Variants in TTC7B observed in about 807,000 individuals in gnomAD.
The protein encoded by TTC7B is tetratricopeptide repeat protein 7B.
A neutral mutation model predicts 106.8 loss-of-function variants in TTC7B; 28 were observed. The observed-to-expected ratio is 0.26, with a 90% confidence interval of 0.19 to 0.36. The LOEUF is 0.36. TTC7B is among the 10% of genes least tolerant of loss of function. The probability of loss-of-function intolerance (pLI) is 1.00; values close to 1 mark genes in which losing one functional copy is unlikely to be tolerated. For synonymous variants in TTC7B, 405 were observed against 430.6 expected (o/e 0.94, Z 0.74); for missense variants, 862 against 1,076.4 (o/e 0.80, Z 2.79).
chr14:90,580,311 C>T (rs1566781262), intron 18 of TTC7B, among the ~76,000 whole-genome samples: 1 of 152,210 alleles, frequency 6.6e-6, no homozygotes, highest in East Asian at 1.9e-4. Flanking sequence ...TCTCAGTTCT[C>T]ATTTTATCTA....
chr14:90,772,442 TG>T (rs1240434334), intron 3 of TTC7B, among the ~76,000 whole-genome samples: 2 of 152,156 alleles, frequency 1.3e-5, no homozygotes, highest in Admixed American at 6.6e-5. Context: ...TCATGGAAAG[TG>T]TTTACGATCT....
chr14:90,780,561 G>A (rs1381600988), intron 3 of TTC7B, among the ~76,000 whole-genome samples, 177 bp downstream of exon 3: 1 of 152,158 alleles, frequency 6.6e-6, no homozygotes. Context: ...GGCTTGGAGG[G>A]ACAAATCCCT....
chr14:90,588,602 C>G (rs1891817451), intron 18 of TTC7B, among the ~76,000 whole-genome samples: 2 of 152,138 alleles, frequency 1.3e-5, no homozygotes, highest in African/African-American at 4.8e-5. Context: ...GTGCCACATC[C>G]CATGCTCTAA....
chr14:90,537,648 C>T lies in TTC7B; in HGVS notation c.*3720G>A, dbSNP rs991766763. 3.9e-5 allele frequency: 6 copies of T among 152,464 alleles called. No individual in the cohort carries two copies. The highest frequency in any genetic ancestry group is 3.3e-4 in the Admixed American group (5 of 15,292). 9.4% of individuals were successfully genotyped at this position (152,464 alleles called of 1,614,324 possible). Reference sequence around the variant, plus strand: ...CCTCTGGGCCTTTGCACCTGCTGTTCCTGCTTCCTGAGATGTCCTCCTCCC... The same window carrying T: ...CCTCTGGGCCTTTGCACCTGCTGTTTCTGCTTCCTGAGATGTCCTCCTCCC... On this transcript the variant is annotated 3_prime_UTR_variant, in exon 20 of 20. Coordinates refer to ENST00000328459, the MANE Select transcript of TTC7B (RefSeq NM_001010854.2).
Position 90,578,645 on chromosome 14 carries a change from G to A in TTC7B, c.2108-337C>T, listed in dbSNP as rs531750944. Among the ~76,000 whole-genome samples the A allele has an allele frequency of 1.6e-3, 246 of 152,040 alleles. No homozygotes were observed. The highest frequency in any genetic ancestry group is 3.4e-3 in the Middle Eastern group (1 of 294). ...TCAGTGTCTGGACAGAGGCTGGCCC[G>A]GTCCAACCCTTGGCTCTGACCCCCA... On this transcript the variant is annotated intron_variant, in intron 18 of 19. Transcript: ENST00000328459. This position sits in a 1 kb window ranked among gnomAD's most constrained non-coding sequence, Gnocchi z 4.7.
intron 9 of TTC7B, among the ~76,000 whole-genome samples, chr14:90,668,491 A>G (rs191910836): frequency 6.6e-6 from 1 of 152,342 alleles, no homozygotes; most frequent in Admixed American, 6.5e-5. Context: ...ATCATCTGCC[A>G]GAGTTATTAT....
chr14:90,800,960 A>C (rs2140056028), intron 1 of TTC7B, among the ~76,000 whole-genome samples: 1 of 152,252 alleles, frequency 6.6e-6, no homozygotes, highest in Admixed American at 6.5e-5. Context: ...CTGAGGCAGG[A>C]GGATTGCTTG....
At chr14:90,628,068 CGCATGGTGTTAGG>C (rs1383493182) in intron 15 of TTC7B, among the ~76,000 whole-genome samples, 1 of 152,180 alleles carries the variant, frequency 6.6e-6, no homozygotes, top group East Asian at 1.9e-4. Context: ...GCTACCTGAG[CGCATGGTGTTAGG>C]GCTGGGGGCC....
At chr14:90,595,612 T>C (rs1892170545) in intron 17 of TTC7B, among the ~76,000 whole-genome samples, 1 of 152,304 alleles carries the variant, frequency 6.6e-6, no homozygotes, top group South Asian at 2.1e-4. Context: ...GTTAAATAAA[T>C]GAGTAATCTA....
chr14:90,613,665 C>T (rs1360200704), intron 16 of TTC7B, among the ~76,000 whole-genome samples: 1 of 152,222 alleles, frequency 6.6e-6, no homozygotes, highest in Non-Finnish European at 1.5e-5. Flanking sequence ...CTTCTGTGAA[C>T]CACCCATTTC....
intron 5 of TTC7B, among the ~76,000 whole-genome samples, chr14:90,701,603 G>A (rs115494957): frequency 1.3e-5 from 2 of 151,894 alleles, no homozygotes; most frequent in Non-Finnish European, 2.9e-5. Context: ...GAAACAGGAA[G>A]TGTAGAAAGC....
chr14:90,551,190 T>C (rs1006780423), intron 19 of TTC7B, among the ~76,000 whole-genome samples: 2 of 152,200 alleles, frequency 1.3e-5, no homozygotes, highest in African/African-American at 4.8e-5. Flanking sequence ...TTGACCCTGC[T>C]GGACACAGAG....
At chr14:90,811,783 G>A (rs2030913073) in intron 1 of TTC7B, among the ~76,000 whole-genome samples, 1 of 152,220 alleles carries the variant, frequency 6.6e-6, no homozygotes, top group Non-Finnish European at 1.5e-5. Context: ...ACCATTTGGG[G>A]CCTAATCTTT....
At chr14:90,591,999 A>G (rs1362592560) in intron 18 of TTC7B, among the ~76,000 whole-genome samples, 1 of 152,240 alleles carries the variant, frequency 6.6e-6, no homozygotes, top group African/African-American at 2.4e-5. Flanking sequence ...TTCTGCTTAG[A>G]AGAATATAAT....
chr14:90,704,258 A>G (rs780754075), intron 5 of TTC7B, among the ~76,000 whole-genome samples: 14 of 152,250 alleles, frequency 9.2e-5, no homozygotes, highest in Non-Finnish European at 1.6e-4. Flanking sequence ...CTAAAAGCCA[A>G]AAGCAGCCAC....
intron 9 of TTC7B, chr14:90,675,219 A>G (rs1439689338): frequency 6.6e-6 from 1 of 152,304 alleles, no homozygotes; most frequent in Non-Finnish European, 1.5e-5. Context: ...ATAGGATGGA[A>G]GTAGATGTGT....
Position 90,541,403 on chromosome 14 carries a change from C to A in TTC7B, c.2497G>T (p.Ala833Ser). 1 of 1,609,998 alleles carries A rather than the reference C, an allele frequency of 6.2e-7. No individual in the cohort carries two copies. Among genetic ancestry groups the A allele is most frequent in the Non-Finnish European group, 8.5e-7 (1 of 1,178,302 alleles). The stretch of plus-strand genomic sequence containing the variant: ...CGGGGGATGATGGTGAAGGGCACGG[C>A]GGGGCTGCTGGCCTCCAGCTCCAAG... ...TALELEASSP[A>S]VPFTIIPRVL Residue 833 changes from alanine (A) to serine (S), a missense_variant, in exon 20 of 20, where the codon GCC becomes TCC. Ala to Ser is a moderately conservative substitution (Grantham distance 99). Transcript: ENST00000328459.
intron 5 of TTC7B, chr14:90,699,112 T>C (rs1462373836): frequency 2.2e-6 from 1 of 453,632 alleles, no homozygotes; most frequent in African/African-American, 2.0e-5. Context: ...TGGCAGCACC[T>C]TTCCAGGCTC....
chr14:90,756,506 G>A (rs1274670239), intron 3 of TTC7B, among the ~76,000 whole-genome samples: 2 of 150,938 alleles, frequency 1.3e-5, no homozygotes, highest in African/African-American at 2.4e-5. Flanking sequence ...CGATTCTCCT[G>A]CCTCAGCCTC....
Sources: gnomAD v4.1 joint callset for allele counts (sites outside exome capture counted in the v4.1 genomes callset) on GRCh38, gnomAD v4.1.1 for gene constraint, Gnocchi (gnomAD v3.1) non-coding constraint, MANE v1.5 for transcripts, NCBI Gene and HGNC (gene_info 2026-07-23, HGNC 2026-07-21) for gene names.